ASIC4: variants seen among roughly 807,000 people sequenced by gnomAD.
ASIC4 encodes acid sensing ion channel subunit family member 4, also known as acid-sensing ion channel 4.
A neutral mutation model predicts 53.4 loss-of-function variants in ASIC4; 28 were observed. The ratio of observed to expected loss-of-function variants is 0.52; its 90% CI spans 0.39 to 0.72. ASIC4 has a LOEUF of 0.72. Among genes scored for constraint, ASIC4 ranks in the 30% least tolerant of loss-of-function variants. The probability of loss-of-function intolerance (pLI) is 0.00; values close to 1 mark genes in which losing one functional copy is unlikely to be tolerated. For synonymous variants in ASIC4, 289 were observed against 301.4 expected, an observed-to-expected ratio of 0.96 and a Z score of 0.43; for missense variants, 649 against 729.7, an observed-to-expected ratio of 0.89 and a Z score of 1.27.
At chr2:219,534,521 T>C (rs927943227) in intron 5 of ASIC4, among the ~76,000 whole-genome samples, 3 of 152,254 alleles carry the variant, frequency 2.0e-5, no homozygotes, top group African/African-American at 7.2e-5. Context: ...TACCCTGGCA[T>C]CTCTTCCCTC....
At chr2:219,526,947 G>A (rs150462558) in intron 1 of ASIC4, among the ~76,000 whole-genome samples, 93 of 152,296 alleles carry the variant, frequency 6.1e-4, no homozygotes, top group African/African-American at 2.2e-3. Flanking sequence ...GAGGCTGAGA[G>A]CTGGTGATCT....
At chr2:219,532,738 T>C (rs2125667890) in intron 4 of ASIC4, 145 bp from the exon 5 acceptor site, 2 of 887,112 alleles carry the variant, frequency 2.3e-6, no homozygotes, top group South Asian at 3.3e-5. Context: ...GGTTGCGTAT[T>C]TGTGGGGGTT....
At chr2:219,512,102 T>A (rs1202935441), upstream of ASIC4, among the ~76,000 whole-genome samples, 1 of 151,578 alleles carries the variant, frequency 6.6e-6, no homozygotes. Context: ...GACAGCTGGC[T>A]GTGGGGCAGT....
Position 219,536,804 on chromosome 2 carries a change from TG to T in ASIC4, c.1230-260del, listed in dbSNP as rs1290550904. 6.6e-6 allele frequency among the ~76,000 whole-genome samples: 1 copy of T among 152,076 alleles called. No homozygotes were observed. The highest frequency in any genetic ancestry group is 1.5e-5 in the Non-Finnish European group (1 of 67,994). ...AAGGAGGAGGCAAAGGCAACACCAC[TG>T]GCTGCTTTAGAGGAGGGAGGAGTGT... On this transcript the variant is annotated intron_variant, in intron 6 of 9. Coordinates refer to ENST00000358078, the MANE Select transcript of ASIC4 (RefSeq NM_018674.6). This position sits in a 1 kb window ranked among gnomAD's most constrained non-coding sequence, Gnocchi z 4.6.
intron 1 of ASIC4, among the ~76,000 whole-genome samples, chr2:219,526,856 G>A (rs1428035237): frequency 1.3e-5 from 2 of 152,172 alleles, no homozygotes; most frequent in East Asian, 1.9e-4. Flanking sequence ...GGCCAGGAGC[G>A]TGGACCTGGA....
rs1694811585 is a variant in ASIC4, at chr2:219,517,342, G to A, written c.582+2036G>A. On this transcript the variant is annotated intron_variant, in intron 1 of 9. Coordinates refer to ENST00000358078, the MANE Select transcript of ASIC4 (RefSeq NM_018674.6). The surrounding 1 kb of genome is among the most constrained non-coding windows in gnomAD (Gnocchi z 4.2). ...TCCCACAGGCCCTCTGGTACCCTGG[G>A]GCTGGAGAAAGGAGGATGGTAGAAG... 1.3e-5 allele frequency: 2 copies of A among 152,596 alleles called. No individual in the cohort carries two copies. Among genetic ancestry groups the A allele is most frequent in the Admixed American group, 1.3e-4 (2 of 15,282 alleles). 9.5% of individuals were successfully genotyped at this position (152,596 alleles called of 1,614,324 possible). A position where few individuals can be genotyped will look rare whatever the true frequency, so the allele number is the denominator to read the frequency against.
intron 1 of ASIC4, 67 bp downstream of exon 1, chr2:219,515,373 G>A: frequency 6.5e-7 from 1 of 1,549,598 alleles, no homozygotes; most frequent in Non-Finnish European, 8.7e-7. Context: ...GAGGAGTGGT[G>A]GCAGTGGTGT....
At chr2:219,510,217 C>T (rs1050637369), upstream of ASIC4, among the ~76,000 whole-genome samples, 3 of 151,922 alleles carry the variant, frequency 2.0e-5, no homozygotes, top group African/African-American at 4.8e-5. This position sits in a 1 kb window ranked among gnomAD's most constrained non-coding sequence, Gnocchi z 5.2. Context: ...ATTCCCACAC[C>T]GCTCCCCACA....
intron 6 of ASIC4, 34 bp downstream of exon 6, chr2:219,535,358 G>A (rs1695115961): frequency 6.5e-7 from 1 of 1,548,336 alleles, no homozygotes; most frequent in Non-Finnish European, 8.7e-7. Context: ...GTGGCTGTGT[G>A]ACTCTGTGTG....
At chr2:219,507,948 T>A in the ASIC4 span, among the ~76,000 whole-genome samples, 1 of 152,216 alleles carries the variant, frequency 6.6e-6, no homozygotes, top group Admixed American at 6.5e-5. Context: ...GGAGCTGGAC[T>A]GAGGTTGACT....
chr2:219,515,222 C>T lies in ASIC4; in HGVS notation c.498C>T (p.Leu166=). ...CAGAGCCTGACATGGTAGACATCCT[C>T]AACCGCACTGGCCACCAGCTCGCCG... The part of the protein sequence containing the change: ...RYPEPDMVDI[L]NRTGHQLADM... The change falls in exon 1 of 10, where the codon CTC becomes CTT. Residue 166 remains leucine (L), a synonymous_variant. Coordinates refer to ENST00000358078, the MANE Select transcript of ASIC4 (RefSeq NM_018674.6). 1 of 1,614,238 alleles carries T rather than the reference C, an allele frequency of 6.2e-7. No individual in the cohort carries two copies. The highest frequency in any genetic ancestry group is 8.5e-7 in the Non-Finnish European group (1 of 1,180,030).
At chr2:219,509,792 G>C (rs575690217), upstream of ASIC4, among the ~76,000 whole-genome samples, 2 of 152,152 alleles carry the variant, frequency 1.3e-5, no homozygotes, top group East Asian at 3.9e-4. The surrounding 1 kb of genome is among the most constrained non-coding windows in gnomAD (Gnocchi z 5.2). Context: ...CACAGCCTGG[G>C]CACTACAAGG....
rs2125655960 is a variant in ASIC4 at position 219,517,824 on chromosome 2, G to C, written c.582+2518G>C. On this transcript the variant is annotated intron_variant, in intron 1 of 9. Coordinates refer to ENST00000358078, the MANE Select transcript of ASIC4 (RefSeq NM_018674.6). The surrounding 1 kb of genome is among the most constrained non-coding windows in gnomAD (Gnocchi z 4.2). ...GGGAGCCTGCCGGGGTATGGGTGGT[G>C]AGATGGTCAGAGACAGGGACAGGCT... Among the ~76,000 whole-genome samples, 1 of 152,208 alleles carries C rather than the reference G, an allele frequency of 6.6e-6. No homozygotes were observed. Among genetic ancestry groups the C allele is most frequent in the East Asian group, 1.9e-4 (1 of 5,180 alleles).
chr2:219,537,387 G>C lies in ASIC4; in HGVS notation c.1401+66G>C. ...GGGCAAAGCAGAAGGGGGCAGTGCG[G>C]GGTGCCTGGTGGAGCTGGCCTGGCT... On this transcript the variant is annotated intron_variant, in intron 8 of 9. Transcript: ENST00000358078. This position sits in a 1 kb window ranked among gnomAD's most constrained non-coding sequence, Gnocchi z 4.9. The C allele has an allele frequency of 6.5e-7, 1 of 1,526,914 alleles. No individual in the cohort carries two copies. The highest frequency in any genetic ancestry group is 8.9e-7 in the Non-Finnish European group (1 of 1,121,576). 94.6% of individuals were successfully genotyped at this position (1,526,914 alleles called of 1,614,324 possible). A position where few individuals can be genotyped will look rare whatever the true frequency, so the allele number is the denominator to read the frequency against.
rs762968010 is a variant in ASIC4 at position 219,515,008 on chromosome 2, G to A, written c.284G>A (p.Arg95Gln). 8 of 1,613,212 alleles carry A rather than the reference G, an allele frequency of 5.0e-6. No individual in the cohort carries two copies. Among genetic ancestry groups the A allele is most frequent in the African/African-American group, 1.3e-5 (1 of 75,000 alleles). The change falls in exon 1 of 10, where the codon CGG (arginine) becomes CAG (glutamine). Residue 95 changes from arginine (R) to glutamine (Q), a missense_variant. Coordinates refer to ENST00000358078, the MANE Select transcript of ASIC4 (RefSeq NM_018674.6). ...GGCCTGGCCCGGGGCTACCTGACCCGGCCTCACCTGGTGGCAATGGACCCC... is the reference window on the plus strand; with the variant it reads ...GGCCTGGCCCGGGGCTACCTGACCCAGCCTCACCTGGTGGCAATGGACCCC... ...AAGLARGYLT[R>Q]PHLVAMDPAA...
At position 219,514,927 on chromosome 2, in the gene ASIC4, C is replaced by T. The variant is rs1162430749; in HGVS notation, c.203C>T (p.Thr68Ile). ...CCAGGCCCCCACGGACTGCGCAGAACCCTGTGGGCACTGGCCCTACTCACC... is the reference window on the plus strand; with the variant it reads ...CCAGGCCCCCACGGACTGCGCAGAATCCTGTGGGCACTGGCCCTACTCACC... ...CGPGPHGLRR[T>I]LWALALLTSL... The change falls in exon 1 of 10, where the codon ACC (threonine) becomes ATC (isoleucine). Residue 68 changes from threonine (T) to isoleucine (I), a missense_variant. Coordinates refer to ENST00000358078, the MANE Select transcript of ASIC4 (RefSeq NM_018674.6). 2 of 1,612,970 alleles carry T rather than the reference C, an allele frequency of 1.2e-6. No individual in the cohort carries two copies. The highest frequency in any genetic ancestry group is 1.7e-6 in the Non-Finnish European group (2 of 1,179,866).
intron 1 of ASIC4, among the ~76,000 whole-genome samples, chr2:219,520,895 T>A (rs1406068994): frequency 6.6e-6 from 1 of 152,228 alleles, no homozygotes. Flanking sequence ...CCTAGCTAAC[T>A]GTTGCCCTGT....
At chr2:219,515,490 G>A (rs1324937971) in intron 1 of ASIC4, among the ~76,000 whole-genome samples, 184 bp downstream of exon 1, 7 of 152,238 alleles carry the variant, frequency 4.6e-5, no homozygotes, top group African/African-American at 1.7e-4. Context: ...TGGAGCAGTG[G>A]CCGCTCATAG....
At chr2:219,531,598 T>C (rs1474248705) in intron 1 of ASIC4, among the ~76,000 whole-genome samples, 160 bp from the exon 2 acceptor site, 1 of 152,136 alleles carries the variant, frequency 6.6e-6, no homozygotes, top group South Asian at 2.1e-4. Context: ...AGTAGAAAAG[T>C]TGGCGCTGAT....
Sources: allele counts gnomAD v4.1 joint callset (sites outside exome capture counted in the v4.1 genomes callset), GRCh38; gene constraint gnomAD v4.1.1; non-coding constraint Gnocchi (gnomAD v3.1); transcripts MANE v1.5; gene names NCBI Gene and HGNC (gene_info 2026-07-23, HGNC 2026-07-21).